TBL1X: variants seen among roughly 807,000 people sequenced by gnomAD.
TBL1X encodes the protein F-box-like/WD repeat-containing protein TBL1X.
A neutral mutation model predicts 50.7 loss-of-function variants in TBL1X; 10 were observed. The ratio of observed to expected loss-of-function variants is 0.20; its 90% CI spans 0.12 to 0.33. The LOEUF (loss-of-function observed/expected upper bound fraction) is 0.33, where lower values mean the gene tolerates loss of function less well. Among genes scored for constraint, TBL1X ranks in the 10% least tolerant of loss-of-function variants. TBL1X has a pLI of 1.00. For synonymous variants in TBL1X, 190 were observed against 214.7 expected (o/e 0.88, Z 1.01); for missense variants, 340 against 504.4 (o/e 0.67, Z 3.12).
chrX:9,612,923 T>G (rs751864604), intron 2 of TBL1X, among the ~76,000 whole-genome samples: 1 of 109,860 alleles, frequency 9.1e-6, no homozygotes, highest in Admixed American at 9.7e-5. Context: ...AAGTAAAATA[T>G]CTGGTATATA....
chrX:9,534,961 G>A (rs1381304804), intron 2 of TBL1X: 1 of 111,985 alleles, frequency 8.9e-6, no homozygotes, highest in African/African-American at 3.3e-5. Context: ...GGTAGCTTGT[G>A]TAAGTGGAAT....
chrX:9,663,896 C>T (rs773292970), intron 5 of TBL1X, among the ~76,000 whole-genome samples: 6 of 110,649 alleles, frequency 5.4e-5, no homozygotes, highest in Non-Finnish European at 9.4e-5. Flanking sequence ...GATGGGAGCA[C>T]GTGCGTACAA....
chrX:9,698,057 C>T (rs1470559748), intron 12 of TBL1X, among the ~76,000 whole-genome samples: 2 of 111,825 alleles, frequency 1.8e-5, no homozygotes, highest in African/African-American at 3.3e-5. Context: ...GTATTCCAGC[C>T]TAGGTGACAG....
chrX:9,642,027 A>G (rs899077878), intron 3 of TBL1X, among the ~76,000 whole-genome samples: 5 of 112,187 alleles, frequency 4.5e-5, no homozygotes, highest in Admixed American at 1.9e-4. Context: ...GAATTTTTCC[A>G]AAGTGGCTGT....
rs777480776 is a variant in TBL1X at position 9,691,770 on chromosome X, T to C, written c.749+59T>C. The C allele has an allele frequency of 3.4e-6, 4 of 1,181,775 alleles. No homozygotes were observed. In the South Asian group the frequency reaches 7.5e-5, roughly 22 times the overall value. ...TGGGGAGATGGGAGATGCAAGCTGC[T>C]CGCCCTTCTCTGGAGTTCTGCCTAA... On this transcript the variant is annotated intron_variant, in intron 8 of 17. Transcript: ENST00000645353.
intron 1 of TBL1X, among the ~76,000 whole-genome samples, chrX:9,490,509 G>T (rs1375190179): frequency 2.7e-5 from 3 of 112,043 alleles, no homozygotes; most frequent in Non-Finnish European, 5.6e-5. Context: ...ACAAATGTCA[G>T]TTCTGCTGAG....
chrX:9,619,277 GTGTT>G (rs1455355764), intron 2 of TBL1X, among the ~76,000 whole-genome samples: 1 of 112,294 alleles, frequency 8.9e-6, no homozygotes, highest in Middle Eastern at 4.6e-3. Context: ...GTCTTACTTT[GTGTT>G]TGTTTGTTCT....
chrX:9,561,334 G>A (rs1014509312), intron 2 of TBL1X, among the ~76,000 whole-genome samples: 1 of 111,524 alleles, frequency 9.0e-6, no homozygotes, highest in Non-Finnish European at 1.9e-5. Flanking sequence ...GTATTTGTAT[G>A]AGTGTTGGGG....
intron 2 of TBL1X, among the ~76,000 whole-genome samples, chrX:9,506,931 A>C (rs900599934): frequency 8.9e-6 from 1 of 111,912 alleles, no homozygotes; most frequent in Non-Finnish European, 1.9e-5. Context: ...AACTCATTTT[A>C]TGAAGCCAGC....
chrX:9,699,729 G>T (rs915124742), intron 12 of TBL1X, among the ~76,000 whole-genome samples: 2 of 111,670 alleles, frequency 1.8e-5, no homozygotes, highest in African/African-American at 6.5e-5. Flanking sequence ...TATATTCCAT[G>T]CAGTACTTCA....
chrX:9,556,416 G>A (rs2082299939), intron 2 of TBL1X, among the ~76,000 whole-genome samples: 1 of 109,371 alleles, frequency 9.1e-6, no homozygotes, highest in South Asian at 3.9e-4. Flanking sequence ...TGAACACTTT[G>A]GGAGGCTGAG....
chrX:9,514,810 A>G (rs148127016), intron 2 of TBL1X, among the ~76,000 whole-genome samples: 103 of 112,189 alleles, frequency 9.2e-4, no homozygotes, highest in African/African-American at 3.2e-3. Context: ...TGCATGTTAA[A>G]GATGAGAGTC....
At chrX:9,707,114 G>GGT (rs1415693312) in intron 13 of TBL1X, among the ~76,000 whole-genome samples, 2 of 111,261 alleles carry the variant, frequency 1.8e-5, no homozygotes, top group Non-Finnish European at 3.8e-5. Flanking sequence ...GGTGGGGCAG[G>GGT]GTGGGGGTCC....
chrX:9,641,293 C>T (rs5979141), intron 3 of TBL1X, among the ~76,000 whole-genome samples: 6,606 of 111,491 alleles, frequency 0.059, 310 homozygotes, highest in African/African-American at 0.16. Flanking sequence ...TTGAGAAGCC[C>T]GTAGCCCAAA....
chrX:9,666,033 G>A (rs917272279), intron 5 of TBL1X, among the ~76,000 whole-genome samples: 3 of 111,870 alleles, frequency 2.7e-5, no homozygotes, highest in Non-Finnish European at 5.6e-5. Context: ...CACACTGAGA[G>A]ATGAGACTCC....
chrX:9,586,416 C>T (rs2082470074), intron 2 of TBL1X, among the ~76,000 whole-genome samples: 1 of 112,282 alleles, frequency 8.9e-6, no homozygotes, highest in Admixed American at 9.4e-5. Context: ...TGTATAATCC[C>T]ACTTTCATGA....
intron 2 of TBL1X, among the ~76,000 whole-genome samples, chrX:9,556,217 AAC>A (rs2146996095): frequency 9.1e-6 from 1 of 109,856 alleles, no homozygotes; most frequent in Non-Finnish European, 1.9e-5. Context: ...AAACAAAAAA[AAC>A]AGTACAAAGT....
chrX:9,576,040 T>C (rs7889318), intron 2 of TBL1X, among the ~76,000 whole-genome samples: 3,039 of 111,896 alleles, frequency 0.027, 129 homozygotes, highest in African/African-American at 0.094. Context: ...ATCAAAGTAT[T>C]ATAAGAAGGT....
chrX:9,591,173 A>G (rs1015128171), intron 2 of TBL1X, among the ~76,000 whole-genome samples: 1 of 111,215 alleles, frequency 9.0e-6, no homozygotes, highest in South Asian at 3.8e-4. Context: ...TGAAGCCTCA[A>G]TTTTATGCTC....
Sources: gnomAD v4.1 joint callset for allele counts (sites outside exome capture counted in the v4.1 genomes callset) on GRCh38, gnomAD v4.1.1 for gene constraint, MANE v1.5 for transcripts, NCBI Gene and HGNC (gene_info 2026-07-23, HGNC 2026-07-21) for gene names.